MPP7: variants seen among roughly 807,000 people sequenced by gnomAD.
The protein encoded by MPP7 is MAGUK p55 scaffold protein 7, also known as MAGUK p55 subfamily member 7.
A neutral mutation model predicts 76.5 loss-of-function variants in MPP7; 60 were observed. The ratio of observed to expected loss-of-function variants is 0.78; its 90% CI spans 0.64 to 0.97. The LOEUF is 0.97. Ranked by LOEUF, MPP7 falls within the 50% of genes least tolerant of loss-of-function variation. The pLI is 0.00. For synonymous variants in MPP7, 237 were observed against 244.5 expected (o/e 0.97, Z 0.29); for missense variants, 641 against 694.0 (o/e 0.92, Z 0.86).
intron 2 of MPP7, among the ~76,000 whole-genome samples, chr10:28,204,748 C>T (rs1837893935): frequency 6.6e-6 from 1 of 152,212 alleles, no homozygotes; most frequent in Admixed American, 6.5e-5. Flanking sequence ...GCATTTAGCC[C>T]TGTGGCTGGC....
At chr10:28,260,873 C>T (rs1181545713) in intron 1 of MPP7, among the ~76,000 whole-genome samples, 3 of 151,216 alleles carry the variant, frequency 2.0e-5, no homozygotes, top group African/African-American at 4.9e-5. Flanking sequence ...TGATGCATTT[C>T]AACTCAGTGT....
intron 1 of MPP7, among the ~76,000 whole-genome samples, chr10:28,287,831 A>G (rs1840823502): frequency 1.3e-5 from 2 of 152,220 alleles, no homozygotes; most frequent in East Asian, 3.9e-4. Context: ...AAGATCCAAA[A>G]TGAAAGACAG....
At chr10:28,263,443 C>T (rs927759825) in intron 1 of MPP7, among the ~76,000 whole-genome samples, 1 of 152,154 alleles carries the variant, frequency 6.6e-6, no homozygotes, top group Non-Finnish European at 1.5e-5. Context: ...CCAAAAGTGT[C>T]CCCCGACCTT....
intron 1 of MPP7, among the ~76,000 whole-genome samples, chr10:28,265,785 AGCAGAGTAAGT>A (rs1210704026): frequency 4.6e-5 from 7 of 152,232 alleles, no homozygotes; most frequent in Non-Finnish European, 7.3e-5. Flanking sequence ...AAATCCAATA[AGCAGAGTAAGT>A]GCAGAGGAAA....
chr10:28,112,014 A>C (rs1588787253), intron 11 of MPP7, among the ~76,000 whole-genome samples: 1 of 152,290 alleles, frequency 6.6e-6, no homozygotes, highest in East Asian at 1.9e-4. Context: ...TTATTTTTCA[A>C]ATACCTATGG....
At chr10:28,316,228 G>A (rs1414683691) in intron 2 of MPP7, among the ~76,000 whole-genome samples, 2 of 152,032 alleles carry the variant, frequency 1.3e-5, no homozygotes, top group Non-Finnish European at 2.9e-5. Context: ...CTTGAGGTCA[G>A]ACATTCGAGA....
chr10:28,165,932 G>A lies in MPP7; in HGVS notation c.157-15873C>T, dbSNP rs562925187. 1.2e-4 allele frequency among the ~76,000 whole-genome samples: 18 copies of A among 145,570 alleles called. No individual in the cohort carries two copies. In the South Asian group the frequency reaches 1.5e-3, roughly 12 times the overall value. The stretch of plus-strand genomic sequence containing the variant: ...CTCAGCTACTTGGGAGGCTGAGGCC[G>A]AAGAATCGCTTGAACTCCAGAGGCA... On this transcript the variant is annotated intron_variant, in intron 3 of 16. Transcript: ENST00000683449.
chr10:28,297,802 T>C (rs753194477), intron 1 of MPP7, among the ~76,000 whole-genome samples: 32 of 152,344 alleles, frequency 2.1e-4, no homozygotes, highest in Non-Finnish European at 3.1e-4. Flanking sequence ...TCATTCACAA[T>C]TGAAGTCAAT....
At chr10:28,168,686 T>C (rs1378728736) in intron 3 of MPP7, among the ~76,000 whole-genome samples, 1 of 152,016 alleles carries the variant, frequency 6.6e-6, no homozygotes, top group East Asian at 1.9e-4. Flanking sequence ...GCTCCGTTAA[T>C]TTTTTGTATT....
intron 2 of MPP7, among the ~76,000 whole-genome samples, chr10:28,308,454 T>A (rs1176656457): frequency 6.6e-6 from 1 of 152,230 alleles, no homozygotes; most frequent in East Asian, 1.9e-4. Flanking sequence ...GTAACAGAAT[T>A]GCTTTCTTCA....
intron 3 of MPP7, among the ~76,000 whole-genome samples, chr10:28,179,890 ATAAAATGTATTTT>A (rs1837004185): frequency 6.6e-6 from 1 of 152,228 alleles, no homozygotes; most frequent in African/African-American, 2.4e-5. Flanking sequence ...AAATTCACAA[ATAAAATGTATTTT>A]TAAAGTTGGC....
At chr10:28,139,371 A>C (rs1223856603) in intron 5 of MPP7, among the ~76,000 whole-genome samples, 1 of 152,164 alleles carries the variant, frequency 6.6e-6, no homozygotes, top group Admixed American at 6.5e-5. Context: ...CACATCCTGC[A>C]TTTATGAGAA....
At chr10:28,057,700 A>AGT (rs76671899) in intron 15 of MPP7, 290,869 of 1,278,452 alleles carry the variant, frequency 0.23, 37,552 homozygotes, top group East Asian at 0.54. Flanking sequence ...ACAGTGCCCA[A>AGT]GTCAGGAGGC....
chr10:28,149,064 C>G (rs146887533), intron 4 of MPP7, among the ~76,000 whole-genome samples: 1 of 152,026 alleles, frequency 6.6e-6, no homozygotes, highest in African/African-American at 2.4e-5. Context: ...ACAAATAGCA[C>G]GCAACTTGCA....
chr10:28,247,258 T>G (rs762775338), intron 1 of MPP7, among the ~76,000 whole-genome samples: 3 of 152,226 alleles, frequency 2.0e-5, no homozygotes, highest in Non-Finnish European at 2.9e-5. Flanking sequence ...AACAGACTCA[T>G]GTAAATTGTC....
intron 3 of MPP7, among the ~76,000 whole-genome samples, chr10:28,169,335 AAATT>A (rs1836598685): frequency 6.6e-6 from 1 of 151,996 alleles, no homozygotes; most frequent in South Asian, 2.1e-4. Context: ...TTAAAAAAAA[AAATT>A]AATTAGCCAG....
chr10:28,208,103 AAAC>A (rs1390158572), intron 2 of MPP7, among the ~76,000 whole-genome samples: 2 of 152,168 alleles, frequency 1.3e-5, no homozygotes, highest in African/African-American at 4.8e-5. Context: ...TCCAAGGAGA[AAAC>A]AACCTTGGAA....
chr10:28,191,250 A>C (rs1311575443), intron 3 of MPP7, among the ~76,000 whole-genome samples: 1 of 152,202 alleles, frequency 6.6e-6, no homozygotes, highest in East Asian at 1.9e-4. Flanking sequence ...CAGAAAGAAA[A>C]GGAAAATAGC....
In MPP7 at chr10:28,262,264, TATATATATATATA is replaced by T. The variant is rs1840010159; in HGVS notation, c.-131-23542_-131-23530del. Among the ~76,000 whole-genome samples the T allele has an allele frequency of 8.5e-5, 5 of 58,742 alleles. 1 individual carries two copies. The highest frequency in any genetic ancestry group is 3.2e-4 in the African/African-American group (4 of 12,438). 38.5% of individuals were successfully genotyped at this position (58,742 alleles called of 152,430 possible). On this transcript the variant is annotated intron_variant, in intron 1 of 16. Coordinates refer to ENST00000683449, the MANE Select transcript of MPP7 (RefSeq NM_001318170.2). ...ATATACATATATATATATATGTATATATATATATATATATTTTTTTTTTTTTCTTCACCATGTT... is the reference window on the plus strand; with the variant it reads ...ATATACATATATATATATATGTATATTTTTTTTTTTTTTCTTCACCATGTT...
Sources: allele counts gnomAD v4.1 joint callset (sites outside exome capture counted in the v4.1 genomes callset), GRCh38; gene constraint gnomAD v4.1.1; transcripts MANE v1.5; gene names NCBI Gene and HGNC (gene_info 2026-07-23, HGNC 2026-07-21).